Variants in GPR158 observed in about 807,000 individuals in gnomAD.
The protein encoded by GPR158 is metabotropic glycine receptor.
Under a neutral mutation model 78.2 loss-of-function variants are expected in GPR158, and 30 were observed. That is an observed-to-expected ratio of 0.38 (90% CI 0.29 to 0.52). GPR158 has a LOEUF of 0.52. Among genes scored for constraint, GPR158 ranks in the 20% least tolerant of loss-of-function variants. The pLI is 0.83. For synonymous variants in GPR158, 581 were observed against 591.1 expected (o/e 0.98, Z 0.25); for missense variants, 1,463 against 1,523.5 (o/e 0.96, Z 0.66).
intron 1 of GPR158, among the ~76,000 whole-genome samples, chr10:25,207,908 C>A (rs1853067213): frequency 6.6e-6 from 1 of 152,036 alleles, no homozygotes; most frequent in South Asian, 2.1e-4. Context: ...AATTAATATT[C>A]TCTGGTATAT....
At chr10:25,490,219 T>C (rs1835787115) in intron 5 of GPR158, among the ~76,000 whole-genome samples, 1 of 152,060 alleles carries the variant, frequency 6.6e-6, no homozygotes, top group African/African-American at 2.4e-5. Flanking sequence ...TGTGTTTGTA[T>C]GCAGAGACAC....
chr10:25,341,054 G>A (rs1855296518), intron 2 of GPR158, among the ~76,000 whole-genome samples: 1 of 151,988 alleles, frequency 6.6e-6, no homozygotes. Context: ...TCAGTGTAAT[G>A]ACATCTTCAA....
At chr10:25,547,766 C>T (rs957863276) in intron 5 of GPR158, among the ~76,000 whole-genome samples, 1 of 152,164 alleles carries the variant, frequency 6.6e-6, no homozygotes, top group African/African-American at 2.4e-5. Flanking sequence ...TAGCCCTGAG[C>T]ACATCACTTA....
chr10:25,265,177 A>T (rs1854027050), intron 2 of GPR158, among the ~76,000 whole-genome samples: 1 of 152,180 alleles, frequency 6.6e-6, no homozygotes, highest in South Asian at 2.1e-4. Context: ...ACAGAGGTCT[A>T]CACATTTTAA....
intron 2 of GPR158, among the ~76,000 whole-genome samples, chr10:25,275,153 G>A (rs1477362223): frequency 1.3e-5 from 2 of 152,138 alleles, no homozygotes; most frequent in African/African-American, 2.4e-5. Flanking sequence ...GTTCAGTTCT[G>A]CAGGCACTGT....
At chr10:25,423,137 A>G (rs1165949931) in intron 4 of GPR158, among the ~76,000 whole-genome samples, 14 of 49,826 alleles carry the variant, frequency 2.8e-4, no homozygotes, top group Middle Eastern at 0.012. Flanking sequence ...ATGTATATAC[A>G]TATACATATA....
At chr10:25,241,663 C>A (rs1050304282) in intron 2 of GPR158, among the ~76,000 whole-genome samples, 1 of 152,206 alleles carries the variant, frequency 6.6e-6, no homozygotes, top group South Asian at 2.1e-4. Context: ...CTCAGGTGAT[C>A]CCCCCACCTT....
chr10:25,401,373 G>T (rs1054169948), intron 3 of GPR158, among the ~76,000 whole-genome samples: 7 of 151,968 alleles, frequency 4.6e-5, no homozygotes, highest in Non-Finnish European at 8.8e-5. Flanking sequence ...CCAATTGCCG[G>T]TCTTATGTTT....
At position 25,591,957 on chromosome 10, in the gene GPR158, A is replaced by G. The variant is rs1008132118; in HGVS notation, c.1893-2335A>G. Among the ~76,000 whole-genome samples, 15 of 152,168 alleles carry G rather than the reference A, an allele frequency of 9.9e-5. No individual in the cohort carries two copies. In the East Asian group the frequency reaches 2.5e-3, roughly 25 times the overall value. On this transcript the variant is annotated intron_variant, in intron 8 of 10. Coordinates refer to ENST00000376351, the MANE Select transcript of GPR158 (RefSeq NM_020752.3). ...AATAATAAACCAATCAAGTATGTACAATGTCTTATTTACATATGGCCTGAA... is the reference window on the plus strand; with the variant it reads ...AATAATAAACCAATCAAGTATGTACGATGTCTTATTTACATATGGCCTGAA...
At chr10:25,199,661 A>G (rs1852893609) in intron 1 of GPR158, among the ~76,000 whole-genome samples, 1 of 109,628 alleles carries the variant, frequency 9.1e-6, no homozygotes, top group African/African-American at 4.2e-5. Flanking sequence ...ATGGTTTAAC[A>G]GTGTTTGGCA....
chr10:25,425,197 T>C (rs1834803230), intron 4 of GPR158, among the ~76,000 whole-genome samples: 1 of 152,164 alleles, frequency 6.6e-6, no homozygotes, highest in Non-Finnish European at 1.5e-5. Flanking sequence ...TATTGGTGTA[T>C]AGGAATGCTT....
chr10:25,571,136 G>C (rs936628820), intron 6 of GPR158, among the ~76,000 whole-genome samples: 2 of 152,046 alleles, frequency 1.3e-5, no homozygotes, highest in Non-Finnish European at 2.9e-5. Context: ...CTATGACATG[G>C]ATGGCACTTA....
chr10:25,466,395 TTTAATGATACAA>T, intron 4 of GPR158: 1 of 371,098 alleles, frequency 2.7e-6, no homozygotes, highest in Middle Eastern at 6.9e-4. Context: ...GCTCAGGCTT[TTTAATGATACAA>T]ATTTTAGAGA....
At chr10:25,177,623 A>G (rs1852556580) in intron 1 of GPR158, among the ~76,000 whole-genome samples, 1 of 152,180 alleles carries the variant, frequency 6.6e-6, no homozygotes. Flanking sequence ...ACCTCAACCA[A>G]GTTGCTTAAC....
At chr10:25,458,245 A>G (rs1452751306) in intron 4 of GPR158, among the ~76,000 whole-genome samples, 1 of 152,202 alleles carries the variant, frequency 6.6e-6, no homozygotes, top group East Asian at 1.9e-4. Context: ...GGCAATATGA[A>G]ATTTCTTTTA....
intron 2 of GPR158, among the ~76,000 whole-genome samples, chr10:25,368,936 G>A (rs369564736): frequency 7.9e-6 from 1 of 126,450 alleles, no homozygotes; most frequent in Admixed American, 7.7e-5. Context: ...GAAGCAATTG[G>A]GAATGGGAGT....
chr10:25,339,491 C>T (rs1270780718), intron 2 of GPR158, among the ~76,000 whole-genome samples: 1 of 151,982 alleles, frequency 6.6e-6, no homozygotes, highest in Non-Finnish European at 1.5e-5. Context: ...CTCACACCTT[C>T]AGTTTGTTTT....
chr10:25,344,223 C>T (rs1773648), intron 2 of GPR158, among the ~76,000 whole-genome samples: 98,637 of 151,304 alleles, frequency 0.65, 34,185 homozygotes, highest in Non-Finnish European at 0.8. Flanking sequence ...TTTTATTTCG[C>T]GTTGGGGCTA....
chr10:25,295,839 C>A (rs1346226909), intron 2 of GPR158, among the ~76,000 whole-genome samples: 1 of 152,172 alleles, frequency 6.6e-6, no homozygotes, highest in Non-Finnish European at 1.5e-5. Context: ...GCCTAAAATA[C>A]TTTTCCCCAT....
Sources: gnomAD v4.1 joint callset for allele counts (sites outside exome capture counted in the v4.1 genomes callset) on GRCh38, gnomAD v4.1.1 for gene constraint, MANE v1.5 for transcripts, NCBI Gene and HGNC (gene_info 2026-07-23, HGNC 2026-07-21) for gene names.